SCN1A: variants seen among roughly 807,000 people sequenced by gnomAD.
SCN1A encodes sodium voltage-gated channel alpha subunit 1, also known as sodium channel protein type 1 subunit alpha.
SCN1A carries 13 observed loss-of-function variants against 193.7 expected under a neutral mutation model. The observed-to-expected ratio is 0.07, with a 90% CI of 0.04 to 0.11. The LOEUF is 0.11. Among genes scored for constraint, SCN1A ranks in the 10% least tolerant of loss-of-function variants. The pLI, the probability that SCN1A is intolerant of heterozygous loss-of-function variation, is 1.00. For synonymous variants in SCN1A, 781 were observed against 843.6 expected, an observed-to-expected ratio of 0.93 and a Z score of 1.29; for missense variants, 1,432 against 2,451.1, an observed-to-expected ratio of 0.58 and a Z score of 8.78.
rs121918818 is a variant in SCN1A, at chr2:166,036,376, A to G, written c.3101T>C (p.Ile1034Thr). Residue 1034 changes from isoleucine (I) to threonine (T), a missense_variant, in exon 19 of 29, where the codon ATT becomes ACT. Ile to Thr is a moderately conservative substitution (Grantham distance 89, BLOSUM62 -1). This residue lies in a region of SCN1A where 198 missense variants were observed against 225.8 expected (regional missense o/e 0.88). Coordinates refer to ENST00000674923, the MANE Select transcript of SCN1A (RefSeq NM_001165963.4). ...TTGTTTCCTAATGAAGGACTGTTGA[A>G]TAAATTCATATATTTTTCTTTTCAC... ...AYVKRKIYEF[I>T]QQSFIRKQKI... 1.4e-4 allele frequency: 229 copies of G among 1,601,554 alleles called. 1 individual carries two copies. The African/African-American group carries it at 2.9e-3, about 20-fold the overall frequency.
At chr2:165,996,238 A>G (rs376721920) in intron 26 of SCN1A, 121 bp from the exon 27 acceptor site, 15 of 627,950 alleles carry the variant, frequency 2.4e-5, no homozygotes, top group South Asian at 9.1e-5. Context: ...TAGTATAATT[A>G]TATCTGGGAT....
chr2:166,009,435 T>C (rs1440705286), intron 23 of SCN1A: 1 of 236,934 alleles, frequency 4.2e-6, no homozygotes, highest in Non-Finnish European at 8.4e-6. Context: ...TAATAATGCA[T>C]CAGCTTTTTT....
intron 4 of SCN1A, among the ~76,000 whole-genome samples, chr2:166,061,480 A>G (rs1683301091): frequency 6.6e-6 from 1 of 152,142 alleles, no homozygotes; most frequent in Admixed American, 6.6e-5. Context: ...GATAGGAGGA[A>G]CACATTCTAG....
At chr2:166,022,853 A>G (rs1053669987) in intron 19 of SCN1A, among the ~76,000 whole-genome samples, 2 of 152,256 alleles carry the variant, frequency 1.3e-5, no homozygotes, top group Admixed American at 6.5e-5. Context: ...GTGAAAACAT[A>G]TACTACCAAT....
At chr2:166,069,073 C>T (rs534279732) in intron 4 of SCN1A, among the ~76,000 whole-genome samples, 6 of 152,130 alleles carry the variant, frequency 3.9e-5, no homozygotes, top group African/African-American at 1.2e-4. Context: ...AAAAAAGTCC[C>T]GTGAGGGAAA....
In SCN1A at chr2:166,045,157, A is replaced by G. The variant is rs1057524611; in HGVS notation, c.1548T>C (p.Asp516=). The G allele has an allele frequency of 1.2e-6, 2 of 1,614,014 alleles. No individual in the cohort carries two copies. The highest frequency in any genetic ancestry group is 1.7e-6 in the Non-Finnish European group (2 of 1,179,982). Reference sequence around the variant, plus strand: ...ATTCAGATTTTTGGAATTCATCCTCATCTTTCTCTTCCCCACCAGACTGCT... The same window carrying G: ...ATTCAGATTTTTGGAATTCATCCTCGTCTTTCTCTTCCCCACCAGACTGCT... ...QKEQSGGEEK[D]EDEFQKSESE... is the part of the protein sequence containing the mutation. Residue 516 remains aspartate, a synonymous_variant, in exon 13 of 29, where the codon GAT becomes GAC. Coordinates refer to ENST00000674923, the MANE Select transcript of SCN1A (RefSeq NM_001165963.4).
In SCN1A at chr2:166,036,082, A is replaced by G. The variant is rs369284756; in HGVS notation, c.3395T>C (p.Phe1132Ser). The change falls in exon 19 of 29, where the codon TTT (phenylalanine) becomes TCT (serine). Residue 1132 changes from phenylalanine (F) to serine (S), a missense_variant. By Grantham distance (155) the Phe-to-Ser change is radical (BLOSUM62 -2). Coordinates refer to ENST00000674923, the MANE Select transcript of SCN1A (RefSeq NM_001165963.4). ...TTCTTCCAGATCCGATTCACTACTA[A>G]AGTCTTCCGTGTTTAAATTTTCAAA... is the stretch of plus-strand genomic sequence containing the variant. ...SDFENLNTED[F>S]SSESDLEESK... is the part of the protein sequence containing the mutation. The G allele has an allele frequency of 1.9e-6, 3 of 1,613,758 alleles. No individual in the cohort carries two copies. The African/African-American group carries it at 4.0e-5, about 22-fold the overall frequency.
intron 1 of SCN1A, among the ~76,000 whole-genome samples, chr2:166,135,383 TTC>T (rs5836088): frequency 0.23 from 35,114 of 152,044 alleles, 4,159 homozygotes; most frequent in Non-Finnish European, 0.26. Context: ...AATATGTAGT[TTC>T]TGTTTCCCTA....
intron 2 of SCN1A, among the ~76,000 whole-genome samples, chr2:166,121,754 A>T (rs1317413941): frequency 6.6e-6 from 1 of 152,230 alleles, no homozygotes; most frequent in Non-Finnish European, 1.5e-5. Context: ...TTTAGTAGTC[A>T]TAAGTATTGC....
At chr2:166,089,421 G>A (rs370767409) in intron 2 of SCN1A, among the ~76,000 whole-genome samples, 6 of 152,128 alleles carry the variant, frequency 3.9e-5, no homozygotes, top group African/African-American at 1.2e-4. Flanking sequence ...GTTAGCAAGC[G>A]CTTCCTTTTA....
At chr2:166,115,923 G>T (rs953193351) in intron 2 of SCN1A, among the ~76,000 whole-genome samples, 3 of 152,130 alleles carry the variant, frequency 2.0e-5, no homozygotes, top group Non-Finnish European at 4.4e-5. Context: ...CAACACAAAA[G>T]GAAATTAATC....
At chr2:166,058,544 A>G (rs751603668) in intron 5 of SCN1A, 26 bp downstream of exon 5, 2 of 1,256,116 alleles carry the variant, frequency 1.6e-6, no homozygotes, top group Non-Finnish European at 2.3e-6. Context: ...ACAAATAGTT[A>G]ATATTAATCA....
intron 2 of SCN1A, among the ~76,000 whole-genome samples, chr2:166,103,449 TTAAA>T (rs56754104): frequency 0.28 from 40,418 of 142,706 alleles, 5,921 homozygotes; most frequent in Non-Finnish European, 0.32. Flanking sequence ...AGACTCTGTC[TTAAA>T]TAAATAAATA....
At position 166,036,146 on chromosome 2, in the gene SCN1A, G is replaced by T; in HGVS notation, c.3331C>A (p.Leu1111Ile). Residue 1111 changes from leucine (L) to isoleucine (I), a missense_variant, in exon 19 of 29, where the codon CTT (leucine) becomes ATT (isoleucine). By Grantham distance (5) the Leu-to-Ile change is conservative. Coordinates refer to ENST00000674923, the MANE Select transcript of SCN1A (RefSeq NM_001165963.4). ...DYMSFINNPS[L>I]TVTVPIAVGE... ...ACAGCAATTGGTACAGTCACAGTAA[G>T]ACTGGGGTTGTTTATGAATGACATG... 6.2e-7 allele frequency: 1 copy of T among 1,613,966 alleles called. No individual in the cohort carries two copies. Among genetic ancestry groups the T allele is most frequent in the Non-Finnish European group, 8.5e-7 (1 of 1,179,924 alleles).
At chr2:166,048,548 G>C (rs1698125673) in intron 10 of SCN1A, among the ~76,000 whole-genome samples, 1 of 151,902 alleles carries the variant, frequency 6.6e-6, no homozygotes, top group Admixed American at 6.6e-5. Flanking sequence ...ATTTTTTATG[G>C]CTGCATAGTA....
At chr2:166,090,378 G>A (rs1686667655) in intron 2 of SCN1A, among the ~76,000 whole-genome samples, 1 of 152,024 alleles carries the variant, frequency 6.6e-6, no homozygotes, top group African/African-American at 2.4e-5. Context: ...TGCTACACGT[G>A]GACAGCCATA....
At chr2:166,034,946 T>A (rs1210488543) in intron 19 of SCN1A, among the ~76,000 whole-genome samples, 1 of 152,228 alleles carries the variant, frequency 6.6e-6, no homozygotes, top group African/African-American at 2.4e-5. Flanking sequence ...TATCTTGATC[T>A]TGGACTTTCC....
At chr2:166,012,751 TTTG>T (rs1472336371) in intron 21 of SCN1A, among the ~76,000 whole-genome samples, 1 of 150,572 alleles carries the variant, frequency 6.6e-6, no homozygotes, top group Non-Finnish European at 1.5e-5. Context: ...CTGCTTCTTT[TTTG>T]TTGTTGTTTG....
chr2:166,037,480 C>T (rs1222667772), intron 18 of SCN1A, among the ~76,000 whole-genome samples: 2 of 152,176 alleles, frequency 1.3e-5, no homozygotes, highest in South Asian at 2.1e-4. Context: ...TATTGTAATT[C>T]ACATAAAAAA....
Sources: gnomAD v4.1 joint callset for allele counts (sites outside exome capture counted in the v4.1 genomes callset) on GRCh38, gnomAD v4.1.1 for gene constraint, gnomAD v4.1.1 regional missense constraint, MANE v1.5 for transcripts, NCBI Gene and HGNC (gene_info 2026-07-23, HGNC 2026-07-21) for gene names.